PDE8A: variants seen among roughly 807,000 people sequenced by gnomAD.
PDE8A encodes high affinity cAMP-specific and IBMX-insensitive 3',5'-cyclic phosphodiesterase 8A.
In PDE8A, 59 loss-of-function variants were observed where a neutral mutation model predicts 105.0. The ratio of observed to expected loss-of-function variants is 0.56; its 90% CI spans 0.46 to 0.70. The LOEUF (loss-of-function observed/expected upper bound fraction) is 0.70, where lower values mean the gene tolerates loss of function less well. PDE8A is among the 30% of genes least tolerant of loss of function. PDE8A has a pLI of 0.00. For missense variants in PDE8A, 1,014 were observed against 1,045.9 expected (o/e 0.97, Z 0.42); for synonymous variants, 355 against 371.9 (o/e 0.95, Z 0.52).
intron 12 of PDE8A, among the ~76,000 whole-genome samples, chr15:85,110,386 T>A (rs1159009003): frequency 6.6e-6 from 1 of 152,244 alleles, no homozygotes; most frequent in Non-Finnish European, 1.5e-5. Context: ...TTCATTTCAG[T>A]GAGTTTTGAC....
chr15:84,986,109 C>T (rs866797119), intron 1 of PDE8A, among the ~76,000 whole-genome samples: 78 of 152,104 alleles, frequency 5.1e-4, no homozygotes, highest in African/African-American at 1.8e-3. Context: ...CACCTTTAGT[C>T]CCAGATACTT....
chr15:85,039,843 GA>G (rs1194913851), intron 1 of PDE8A, among the ~76,000 whole-genome samples: 1 of 152,200 alleles, frequency 6.6e-6, no homozygotes, highest in African/African-American at 2.4e-5. Flanking sequence ...CAGGCACAGA[GA>G]GACAAATACC....
chr15:85,068,449 T>A (rs11632175), intron 3 of PDE8A, among the ~76,000 whole-genome samples: 31,537 of 151,908 alleles, frequency 0.21, 4,313 homozygotes, highest in Middle Eastern at 0.33. Flanking sequence ...AAAAGGGAGG[T>A]CCAGGTCCTT....
chr15:85,042,027 T>C (rs1055860029), intron 1 of PDE8A, among the ~76,000 whole-genome samples: 1 of 152,140 alleles, frequency 6.6e-6, no homozygotes, highest in African/African-American at 2.4e-5. Context: ...AAATTTAGAA[T>C]TAGACATAAT....
chr15:85,129,735 G>C (rs577940457), intron 20 of PDE8A, among the ~76,000 whole-genome samples: 1 of 152,028 alleles, frequency 6.6e-6, no homozygotes, highest in East Asian at 1.9e-4. Context: ...GCTAGCGTTA[G>C]GTTTAGTTTA....
chr15:85,074,171 T>G (rs2081350716), intron 3 of PDE8A, among the ~76,000 whole-genome samples: 1 of 152,180 alleles, frequency 6.6e-6, no homozygotes. Context: ...CTATTCTGCA[T>G]GTGTTGTTAG....
intron 18 of PDE8A, 26 bp from the exon 19 acceptor site, chr15:85,123,035 A>G (rs200614113): frequency 1.4e-5 from 22 of 1,611,570 alleles, no homozygotes; most frequent in Non-Finnish European, 1.8e-5. Context: ...AATTTGTAGC[A>G]GCCTCTAATT....
chr15:85,059,896 T>TAC, intron 1 of PDE8A, among the ~76,000 whole-genome samples: 1 of 152,324 alleles, frequency 6.6e-6, no homozygotes, highest in African/African-American at 2.4e-5. Context: ...TAGTCTCAGC[T>TAC]ACTCGGGAGA....
At position 85,137,777 on chromosome 15, in the gene PDE8A, A is replaced by C; in HGVS notation, c.2384-20A>C. The C allele has an allele frequency of 6.8e-7, 1 of 1,464,774 alleles. No homozygotes were observed. The allele number at this position is 1,464,774 out of a possible 1,614,324, so 90.7% of individuals were successfully genotyped here. The stretch of plus-strand genomic sequence containing the variant: ...AACAGAGGCTGTGAAAGCATATCAC[A>C]TTCCTATCTTTCTCTCCAGCCTTTG... On this transcript the variant is annotated intron_variant, in intron 21 of 21. Coordinates refer to ENST00000394553, the MANE Select transcript of PDE8A (RefSeq NM_002605.3).
chr15:85,059,382 G>T (rs925567231), intron 1 of PDE8A, among the ~76,000 whole-genome samples: 5 of 152,124 alleles, frequency 3.3e-5, no homozygotes, highest in African/African-American at 1.2e-4. Flanking sequence ...AGATCTTGTT[G>T]GTTTATTGTG....
chr15:85,122,155 C>T (rs2082192625), intron 18 of PDE8A, among the ~76,000 whole-genome samples: 3 of 152,148 alleles, frequency 2.0e-5, no homozygotes, highest in Admixed American at 2.0e-4. Context: ...ATTATTCAAT[C>T]CCAGATTTCT....
At chr15:85,124,104 T>C (rs1015004836) in intron 19 of PDE8A, among the ~76,000 whole-genome samples, 8 of 152,158 alleles carry the variant, frequency 5.3e-5, no homozygotes, top group South Asian at 4.1e-4. Flanking sequence ...AAGGGTGACA[T>C]TATTGTTGCC....
Position 85,038,642 on chromosome 15 carries a change from A to G in PDE8A, c.187-25728A>G, listed in dbSNP as rs1164563187. Among the ~76,000 whole-genome samples the G allele has an allele frequency of 2.6e-5, 4 of 152,304 alleles. No homozygotes were observed. The South Asian group carries it at 6.2e-4, about 24-fold the overall frequency. ...AAATATATAAGAACCGCAAACTACT[A>G]ATAACAAGAAAACACGTAACTTAAA... On this transcript the variant is annotated intron_variant, in intron 1 of 21. Transcript: ENST00000394553.
intron 11 of PDE8A, among the ~76,000 whole-genome samples, chr15:85,106,869 A>G (rs1436365548): frequency 6.6e-6 from 1 of 152,220 alleles, no homozygotes; most frequent in Non-Finnish European, 1.5e-5. Context: ...GGCTGATTTA[A>G]CAGAACTTTG....
chr15:85,024,017 C>G (rs199681581), intron 1 of PDE8A, among the ~76,000 whole-genome samples: 1 of 94,772 alleles, frequency 1.1e-5, no homozygotes, highest in Admixed American at 1.1e-4. Flanking sequence ...GCTCAGATTT[C>G]CAAAAAAAAG....
At position 85,109,133 on chromosome 15, in the gene PDE8A, GA is replaced by G. The variant is rs749858301; in HGVS notation, c.1114+4del. ...TGTTGCCTCCCGTGCAACTGAAGGT[GA>G]GTGACAAAGACAAGAGAAAAAAATG... On this transcript the variant is annotated splice_donor_region_variant and intron_variant, in intron 12 of 21. Coordinates refer to ENST00000394553, the MANE Select transcript of PDE8A (RefSeq NM_002605.3). 1.3e-6 allele frequency: 2 copies of G among 1,599,482 alleles called. No individual in the cohort carries two copies. The highest frequency in any genetic ancestry group is 1.7e-6 in the Non-Finnish European group (2 of 1,167,340).
chr15:85,066,488 C>T (rs373254021), intron 2 of PDE8A, among the ~76,000 whole-genome samples: 1 of 151,874 alleles, frequency 6.6e-6, no homozygotes, highest in African/African-American at 2.4e-5. Flanking sequence ...CACTGGAACC[C>T]TGGAGGTGGA....
chr15:85,094,199 A>G (rs949111894), intron 8 of PDE8A, among the ~76,000 whole-genome samples: 1 of 151,984 alleles, frequency 6.6e-6, no homozygotes, highest in Non-Finnish European at 1.5e-5. Context: ...TCCCTCCCTC[A>G]GAAACTGTGT....
In PDE8A at chr15:85,078,131, TC is replaced by T. The variant is rs201623144; in HGVS notation, c.546+1346del. On this transcript the variant is annotated intron_variant, in intron 5 of 21. Transcript: ENST00000394553. ...AGAGTAAATTTTAAAAGAGGACACA[TC>T]CTAGTGAAACTGCAAAAAAAAAAAA... Among the ~76,000 whole-genome samples, 984 of 132,710 alleles carry T rather than the reference TC, an allele frequency of 7.4e-3. 3 individuals carry two copies. Among genetic ancestry groups the T allele is most frequent in the Non-Finnish European group, 0.012 (782 of 64,438 alleles). 87.1% of individuals were successfully genotyped at this position (132,710 alleles called of 152,430 possible). A position where few individuals can be genotyped will look rare whatever the true frequency, so the allele number is the denominator to read the frequency against.
Sources: allele counts gnomAD v4.1 joint callset (sites outside exome capture counted in the v4.1 genomes callset), GRCh38; gene constraint gnomAD v4.1.1; transcripts MANE v1.5; gene names NCBI Gene and HGNC (gene_info 2026-07-23, HGNC 2026-07-21).